Variants in KLHL14 observed in about 807,000 individuals in gnomAD.
KLHL14 encodes kelch like family member 14, also known as kelch-like protein 14.
A neutral mutation model predicts 64.3 loss-of-function variants in KLHL14; 22 were observed. That is an observed-to-expected ratio of 0.34 (90% CI 0.24 to 0.49). The LOEUF (loss-of-function observed/expected upper bound fraction) is 0.49, where lower values mean the gene tolerates loss of function less well. Among genes scored for constraint, KLHL14 ranks in the 20% least tolerant of loss-of-function variants. The probability of loss-of-function intolerance (pLI) is 0.99; values close to 1 mark genes in which losing one functional copy is unlikely to be tolerated. For missense variants in KLHL14, 661 were observed against 789.0 expected, an observed-to-expected ratio of 0.84 and a Z score of 1.94; for synonymous variants, 322 against 333.4, an observed-to-expected ratio of 0.97 and a Z score of 0.37.
Position 32,772,199 on chromosome 18 carries a change from C to T in KLHL14, c.-44+468G>A, listed in dbSNP as rs1260342576. 4.3e-5 allele frequency: 17 copies of T among 395,928 alleles called. No individual in the cohort carries two copies. In the Admixed American group the frequency reaches 4.6e-4, roughly 11 times the overall value. 24.5% of individuals were successfully genotyped at this position (395,928 alleles called of 1,614,324 possible). A position where few individuals can be genotyped will look rare whatever the true frequency, so the allele number is the denominator to read the frequency against. ...CCTGCCCCTTCCACTGCGGCTCACT[C>T]TGCCCTGCCTGGCGCCGGTCCTGGA... is the stretch of plus-strand genomic sequence containing the variant. On this transcript the variant is annotated intron_variant, in intron 1 of 8. Transcript: ENST00000359358.
At chr18:32,747,740 GT>G (rs1469095366) in intron 2 of KLHL14, among the ~76,000 whole-genome samples, 2 of 152,134 alleles carry the variant, frequency 1.3e-5, no homozygotes, top group Admixed American at 1.3e-4. Flanking sequence ...TCACAGTAGT[GT>G]TTTAGCAGTC....
At position 32,728,216 on chromosome 18, in the gene KLHL14, C is replaced by CT. The variant is rs537826425; in HGVS notation, c.1069+13711dup. 2.2e-4 allele frequency among the ~76,000 whole-genome samples: 33 copies of CT among 152,214 alleles called. No individual in the cohort carries two copies. The South Asian group carries it at 5.0e-3, about 23-fold the overall frequency. On this transcript the variant is annotated intron_variant, in intron 3 of 8. Transcript: ENST00000359358. ...TCTCGTCTTGCTTCACCTTTGACTC[C>CT]TTTTACAACATGCACTCTGTTGTTA...
intron 3 of KLHL14, among the ~76,000 whole-genome samples, chr18:32,707,349 A>T (rs1451998923): frequency 6.6e-6 from 1 of 152,214 alleles, no homozygotes; most frequent in Non-Finnish European, 1.5e-5. Context: ...CCTTCAGGGC[A>T]GGCCAGCCTG....
In KLHL14 at chr18:32,687,309, C is replaced by A; in HGVS notation, c.1160-76G>T. ...GCACATGTAGTAGTGTTTTATCAGACGTCTCTATTCTCAGGTTTAACAAAT... is the reference window on the plus strand; with the variant it reads ...GCACATGTAGTAGTGTTTTATCAGAAGTCTCTATTCTCAGGTTTAACAAAT... On this transcript the variant is annotated intron_variant, in intron 4 of 8. Transcript: ENST00000359358. 3 of 1,128,218 alleles carry A rather than the reference C, an allele frequency of 2.7e-6. No homozygotes were observed. The South Asian group carries it at 3.7e-5, about 14-fold the overall frequency. The allele number at this position is 1,128,218 out of a possible 1,614,324, so 69.9% of individuals were successfully genotyped here.
At chr18:32,762,174 A>G (rs987368840) in intron 2 of KLHL14, among the ~76,000 whole-genome samples, 1 of 151,788 alleles carries the variant, frequency 6.6e-6, no homozygotes, top group Non-Finnish European at 1.5e-5. Context: ...TATAGGCGGT[A>G]AGGTACCATG....
At chr18:32,766,682 T>C (rs934001743) in intron 2 of KLHL14, among the ~76,000 whole-genome samples, 4 of 152,144 alleles carry the variant, frequency 2.6e-5, no homozygotes, top group African/African-American at 9.6e-5. Context: ...GTGACAAGTT[T>C]CTTATTTTAC....
At chr18:32,725,884 C>T (rs1044117719) in intron 3 of KLHL14, among the ~76,000 whole-genome samples, 1 of 152,112 alleles carries the variant, frequency 6.6e-6, no homozygotes, top group Non-Finnish European at 1.5e-5. Flanking sequence ...CTTGTTTTAC[C>T]TCTTTATGCC....
At chr18:32,696,938 T>C (rs534510440) in intron 3 of KLHL14, among the ~76,000 whole-genome samples, 1 of 152,322 alleles carries the variant, frequency 6.6e-6, no homozygotes, top group South Asian at 2.1e-4. Flanking sequence ...ATTTACCTAC[T>C]GACTTATTTA....
Position 32,680,932 on chromosome 18 carries a change from A to G in KLHL14, c.1239-333T>C, listed in dbSNP as rs2049835716. The stretch of plus-strand genomic sequence containing the variant: ...ATTCGGTACCTTGTAAGGATATCGT[A>G]GCTCTGTAAGGCAAAGTGAAAAATG... On this transcript the variant is annotated intron_variant, in intron 5 of 8. Coordinates refer to ENST00000359358, the MANE Select transcript of KLHL14 (RefSeq NM_020805.3). The surrounding 1 kb of genome is among the most constrained non-coding windows in gnomAD (Gnocchi z 4.8). Among the ~76,000 whole-genome samples, 4 of 152,300 alleles carry G rather than the reference A, an allele frequency of 2.6e-5. No individual in the cohort carries two copies. The South Asian group carries it at 8.3e-4, about 32-fold the overall frequency.
At chr18:32,676,262 A>C (rs1385852027) in intron 8 of KLHL14, among the ~76,000 whole-genome samples, 1 of 152,232 alleles carries the variant, frequency 6.6e-6, no homozygotes, top group African/African-American at 2.4e-5. Context: ...GGAAGTCATT[A>C]GCCAATTTCA....
At chr18:32,718,392 A>AT (rs2050057208) in intron 3 of KLHL14, among the ~76,000 whole-genome samples, 1 of 152,142 alleles carries the variant, frequency 6.6e-6, no homozygotes, top group Admixed American at 6.5e-5. Flanking sequence ...TCACATTTGT[A>AT]TGTTGTTTTC....
intron 4 of KLHL14, among the ~76,000 whole-genome samples, chr18:32,693,413 CAGAGAGAG>C (rs56135629): frequency 0.15 from 14,039 of 96,648 alleles, 1,347 homozygotes; most frequent in Middle Eastern, 0.2. Context: ...CACACACACA[CAGAGAGAG>C]AGAGAGAGAG....
intron 2 of KLHL14, among the ~76,000 whole-genome samples, chr18:32,758,122 TTTTG>T (rs1037008513): frequency 9.9e-5 from 15 of 152,092 alleles, no homozygotes; most frequent in Non-Finnish European, 1.5e-4. Flanking sequence ...TGTTGTTTTT[TTTTG>T]TTTGTTTGTT....
intron 2 of KLHL14, among the ~76,000 whole-genome samples, chr18:32,742,527 ACGAGTTTG>A (rs1334821787): frequency 6.6e-6 from 1 of 152,190 alleles, no homozygotes; most frequent in African/African-American, 2.4e-5. Flanking sequence ...AACTTCAAAT[ACGAGTTTG>A]GTACAATTAG....
chr18:32,771,066 G>A (rs1348619068), intron 1 of KLHL14: 1 of 289,942 alleles, frequency 3.4e-6, no homozygotes, highest in South Asian at 2.4e-5. Context: ...GGGAGCCGGG[G>A]GTGCCCTGAA....
Position 32,680,167 on chromosome 18 carries a change from A to T in KLHL14, c.1588+2T>A. On this transcript the variant is annotated splice_donor_variant, in intron 7 of 8. Transcript: ENST00000359358. LOFTEE classifies it high-confidence loss of function. This position sits in a 1 kb window ranked among gnomAD's most constrained non-coding sequence, Gnocchi z 4.8. ...TAAAAAACAAAACAACAAAAAAAAGACCTTTCAAATGATTTCCTCCAATTG... is the reference window on the plus strand; with the variant it reads ...TAAAAAACAAAACAACAAAAAAAAGTCCTTTCAAATGATTTCCTCCAATTG... 1 of 1,612,600 alleles carries T rather than the reference A, an allele frequency of 6.2e-7. No homozygotes were observed. The highest frequency in any genetic ancestry group is 2.2e-5 in the East Asian group (1 of 44,806).
At chr18:32,732,118 G>A (rs2050140070) in intron 3 of KLHL14, among the ~76,000 whole-genome samples, 1 of 152,184 alleles carries the variant, frequency 6.6e-6, no homozygotes, top group African/African-American at 2.4e-5. Context: ...CAGCTACTCA[G>A]GAGGCTGAGG....
At chr18:32,739,700 A>G (rs1286162281) in intron 3 of KLHL14, among the ~76,000 whole-genome samples, 1 of 142,936 alleles carries the variant, frequency 7.0e-6, no homozygotes, top group Admixed American at 7.1e-5. Flanking sequence ...CAAATCTAAT[A>G]AATAGAGTCA....
chr18:32,704,832 G>C (rs1289950672), intron 3 of KLHL14, among the ~76,000 whole-genome samples: 1 of 152,182 alleles, frequency 6.6e-6, no homozygotes, highest in Non-Finnish European at 1.5e-5. Context: ...AAGATGAATT[G>C]TACACCATTC....
Sources: allele counts gnomAD v4.1 joint callset (sites outside exome capture counted in the v4.1 genomes callset), GRCh38; gene constraint gnomAD v4.1.1; non-coding constraint Gnocchi (gnomAD v3.1); transcripts MANE v1.5; gene names NCBI Gene and HGNC (gene_info 2026-07-23, HGNC 2026-07-21).